Variants in SLC22A16 observed in about 807,000 individuals in gnomAD.
SLC22A16 encodes solute carrier family 22 member 16.
A neutral mutation model predicts 52.9 loss-of-function variants in SLC22A16; 53 were observed. The observed-to-expected ratio is 1.00, with a 90% confidence interval of 0.80 to 1.26. The LOEUF (loss-of-function observed/expected upper bound fraction) is 1.26. Among genes scored for constraint, SLC22A16 ranks in the 50% most tolerant of loss-of-function variants. SLC22A16 has a pLI of 0.00. For missense variants in SLC22A16, 726 were observed against 704.0 expected, an observed-to-expected ratio of 1.03 and a Z score of -0.35; for synonymous variants, 291 against 268.8, an observed-to-expected ratio of 1.08 and a Z score of -0.81.
rs868547429 is a variant in SLC22A16 at position 110,453,606 on chromosome 6, C to T, written c.533+2932G>A. The T allele has an allele frequency of 5.5e-5, 25 of 456,048 alleles. 1 individual carries two copies. The Middle Eastern group carries it at 6.2e-3, about 112-fold the overall frequency. 28.3% of individuals were successfully genotyped at this position (456,048 alleles called of 1,614,324 possible). A position where few individuals can be genotyped will look rare whatever the true frequency, so the allele number is the denominator to read the frequency against. Reference sequence around the variant, plus strand: ...CAAGTCCCACAATGAGTCCAGATGACACTTCACAGATAGTGGGTTGAATTA... The same window carrying T: ...CAAGTCCCACAATGAGTCCAGATGATACTTCACAGATAGTGGGTTGAATTA... On this transcript the variant is annotated intron_variant, in intron 2 of 7. Transcript: ENST00000368919.
intron 1 of SLC22A16, among the ~76,000 whole-genome samples, chr6:110,459,351 T>C (rs1248294740): frequency 1.3e-5 from 2 of 152,236 alleles, no homozygotes; most frequent in Non-Finnish European, 2.9e-5. Context: ...TGACGTCATG[T>C]GGATATGCTG....
intron 2 of SLC22A16, among the ~76,000 whole-genome samples, chr6:110,453,922 C>A (rs1775481112): frequency 6.6e-6 from 1 of 152,084 alleles, no homozygotes; most frequent in Non-Finnish European, 1.5e-5. Flanking sequence ...GAGAGAGAAA[C>A]CTGAGGGGTG....
At chr6:110,446,425 G>A (rs993729611) in intron 3 of SLC22A16, among the ~76,000 whole-genome samples, 3 of 152,174 alleles carry the variant, frequency 2.0e-5, no homozygotes, top group African/African-American at 4.8e-5. Flanking sequence ...ATATGACAAT[G>A]CTGGTATTCA....
intron 7 of SLC22A16, among the ~76,000 whole-genome samples, chr6:110,427,761 C>T (rs1184819782): frequency 6.6e-6 from 1 of 152,192 alleles, no homozygotes; most frequent in African/African-American, 2.4e-5. Context: ...TTGTGTGAGC[C>T]ACCGCGCCTG....
intron 6 of SLC22A16, among the ~76,000 whole-genome samples, chr6:110,432,483 G>A (rs1774545485): frequency 6.6e-6 from 1 of 152,184 alleles, no homozygotes; most frequent in Non-Finnish European, 1.5e-5. Flanking sequence ...TCTAATATGT[G>A]CCAGGCACTG....
Position 110,446,892 on chromosome 6 carries a change from G to T in SLC22A16, c.632C>A (p.Ala211Asp), listed in dbSNP as rs767022950. The change falls in exon 3 of 8, where the codon GCT becomes GAT. Residue 211 changes from alanine to aspartate, a missense_variant. Transcript: ENST00000368919. ...FAVDYYTFMA[A>D]RFFLAMVASG... ...ACTCACCATGGCAAGAAAAAAGCGA[G>T]CAGCCATGAAGGTGTAATAATCAAC... is the stretch of plus-strand genomic sequence containing the variant. 6.2e-7 allele frequency: 1 copy of T among 1,610,732 alleles called. No homozygotes were observed. The highest frequency in any genetic ancestry group is 8.5e-7 in the Non-Finnish European group (1 of 1,179,158).
At chr6:110,443,004 T>G (rs1482365053) in intron 3 of SLC22A16, among the ~76,000 whole-genome samples, 2 of 152,252 alleles carry the variant, frequency 1.3e-5, no homozygotes, top group Non-Finnish European at 2.9e-5. Flanking sequence ...CTTGAGAGAT[T>G]ATTTATGATA....
intron 3 of SLC22A16, among the ~76,000 whole-genome samples, chr6:110,444,888 T>C (rs2114947055): frequency 6.6e-6 from 1 of 152,304 alleles, no homozygotes; most frequent in East Asian, 1.9e-4. Flanking sequence ...ACTATAAATT[T>C]CCCAGTTAAA....
chr6:110,433,288 C>A (rs1032793645), intron 6 of SLC22A16, among the ~76,000 whole-genome samples: 4 of 152,182 alleles, frequency 2.6e-5, no homozygotes, highest in Admixed American at 2.6e-4. Flanking sequence ...TCTATCCATT[C>A]TTCCATCCCT....
chr6:110,429,119 A>AT (rs2114881934), intron 7 of SLC22A16, among the ~76,000 whole-genome samples: 1 of 152,256 alleles, frequency 6.6e-6, no homozygotes, highest in Non-Finnish European at 1.5e-5. Flanking sequence ...TTTAATAAAC[A>AT]CTTTCTCATT....
At chr6:110,444,977 T>C (rs1307202017) in intron 3 of SLC22A16, among the ~76,000 whole-genome samples, 2 of 152,234 alleles carry the variant, frequency 1.3e-5, no homozygotes, top group Admixed American at 1.3e-4. Flanking sequence ...TCCTCTGTTA[T>C]TGGATTCAGA....
rs753775262 is a variant in SLC22A16, at chr6:110,442,487, A to T, written c.940T>A (p.Trp314Arg). ...AQKIVDIMAK[W>R]NRASSCKLSE... ...AGTTTACAGGAGCTTGCCCTGTTCC[A>T]CTTGGCCATGATGTCAACTATTTTT... The change falls in exon 4 of 8, where the codon TGG becomes AGG. Residue 314 changes from tryptophan (W) to arginine (R), a missense_variant. Physicochemically the swap from Trp to Arg is moderately radical, Grantham distance 101. Coordinates refer to ENST00000368919, the MANE Select transcript of SLC22A16 (RefSeq NM_033125.4). The T allele has an allele frequency of 6.8e-6, 11 of 1,614,064 alleles. No individual in the cohort carries two copies. Among genetic ancestry groups the T allele is most frequent in the Middle Eastern group, 1.6e-4 (1 of 6,084 alleles).
intron 1 of SLC22A16, among the ~76,000 whole-genome samples, chr6:110,463,558 A>C (rs1186252768): frequency 1.4e-5 from 2 of 146,998 alleles, no homozygotes; most frequent in African/African-American, 4.9e-5. Flanking sequence ...GCATTATCCA[A>C]TGATACACGG....
intron 7 of SLC22A16, among the ~76,000 whole-genome samples, chr6:110,429,811 G>A (rs1774423405): frequency 6.6e-6 from 1 of 152,150 alleles, no homozygotes; most frequent in Non-Finnish European, 1.5e-5. Flanking sequence ...TGGCCTCCTG[G>A]AAAGCGGATA....
intron 1 of SLC22A16, among the ~76,000 whole-genome samples, chr6:110,459,163 C>T (rs1370332194): frequency 1.3e-5 from 2 of 152,182 alleles, no homozygotes; most frequent in South Asian, 2.1e-4. Flanking sequence ...TAGACATTCC[C>T]TCTCTCCAGG....
Position 110,456,601 on chromosome 6 carries a change from A to T in SLC22A16, c.470T>A (p.Ile157Asn), listed in dbSNP as rs1775664201. The T allele has an allele frequency of 6.2e-7, 1 of 1,614,200 alleles. No homozygotes were observed. Among genetic ancestry groups the T allele is most frequent in the Non-Finnish European group, 8.5e-7 (1 of 1,180,026 alleles). Residue 157 changes from isoleucine (I) to asparagine (N), a missense_variant, in exon 2 of 8, where the codon ATC (isoleucine) becomes AAC (asparagine). Ile to Asn is a moderately radical substitution (Grantham distance 149). Coordinates refer to ENST00000368919, the MANE Select transcript of SLC22A16 (RefSeq NM_033125.4). ...VCDRKWLAML[I>N]QPLFMFGVLL... ...GACTCCAAACATAAATAGGGGCTGG[A>T]TCAGCATTGCAAGCCATTTTCGGTC...
intron 1 of SLC22A16, among the ~76,000 whole-genome samples, chr6:110,470,426 A>G (rs1419878898): frequency 1.3e-5 from 2 of 152,140 alleles, no homozygotes; most frequent in Non-Finnish European, 2.9e-5. Flanking sequence ...TCTACCTGGA[A>G]CAGCTCCACC....
At chr6:110,430,168 G>C (rs1395047505) in intron 7 of SLC22A16, among the ~76,000 whole-genome samples, 2 of 151,930 alleles carry the variant, frequency 1.3e-5, no homozygotes, top group African/African-American at 4.8e-5. Flanking sequence ...AGGCATGCAG[G>C]GGTAGTTTTG....
At chr6:110,453,704 C>A (rs771489592) in intron 2 of SLC22A16, 1 of 456,106 alleles carries the variant, frequency 2.2e-6, no homozygotes, top group Non-Finnish European at 4.4e-6. Context: ...CTCTTTGTGG[C>A]AGAGAGGGGA....
Sources: gnomAD v4.1 joint callset for allele counts (sites outside exome capture counted in the v4.1 genomes callset) on GRCh38, gnomAD v4.1.1 for gene constraint, MANE v1.5 for transcripts, NCBI Gene and HGNC (gene_info 2026-07-23, HGNC 2026-07-21) for gene names.